The following GAB2 variants were observed in gnomAD, a reference collection of about 807,000 sequenced individuals.
GAB2 encodes the protein GRB2 associated binding protein 2.
GAB2 carries 26 observed loss-of-function variants against 65.5 expected under a neutral mutation model. The observed-to-expected ratio is 0.40, with a 90% confidence interval of 0.29 to 0.55. The LOEUF is 0.55. GAB2 is among the 20% of genes least tolerant of loss of function. GAB2 has a pLI of 0.53. For missense variants in GAB2, 884 were observed against 875.8 expected (o/e 1.01, Z -0.12); for synonymous variants, 321 against 329.6 (o/e 0.97, Z 0.28).
Position 78,417,630 on chromosome 11 carries a change from C to T in GAB2, c.75+16G>A. On this transcript the variant is annotated intron_variant, in intron 1 of 9. Coordinates refer to ENST00000361507, the MANE Select transcript of GAB2 (RefSeq NM_080491.3). ...GCGCCCCCCGCCCGCCCCTGGGCGG[C>T]CGCGCCCGCACTCACATAGCGCCTC... 1 of 1,327,200 alleles carries T rather than the reference C, an allele frequency of 7.5e-7. No homozygotes were observed. The highest frequency in any genetic ancestry group is 1.6e-5 in the African/African-American group (1 of 64,502). 82.2% of individuals were successfully genotyped at this position (1,327,200 alleles called of 1,614,324 possible).
intron 1 of GAB2, among the ~76,000 whole-genome samples, chr11:78,390,553 C>T (rs137855623): frequency 1.8e-4 from 27 of 152,312 alleles, no homozygotes; most frequent in Middle Eastern, 3.4e-3. Context: ...GGTGCCATTG[C>T]ACTCCAGCAT....
chr11:78,413,014 G>C (rs1857148685), intron 1 of GAB2, among the ~76,000 whole-genome samples: 1 of 152,208 alleles, frequency 6.6e-6, no homozygotes, highest in Non-Finnish European at 1.5e-5. Flanking sequence ...TGATGCCCAA[G>C]TTTCTCATCT....
chr11:78,414,500 T>A (rs925547418), intron 1 of GAB2, among the ~76,000 whole-genome samples: 4 of 152,154 alleles, frequency 2.6e-5, no homozygotes, highest in African/African-American at 9.7e-5. Flanking sequence ...GTAGGTCATA[T>A]TAATAAAATG....
At chr11:78,382,577 T>C (rs1213400161) in intron 1 of GAB2, among the ~76,000 whole-genome samples, 1 of 152,006 alleles carries the variant, frequency 6.6e-6, no homozygotes, top group African/African-American at 2.4e-5. Context: ...TAATAGACCC[T>C]CCAAGAACAG....
rs186845691 is a variant in GAB2, at chr11:78,262,783, T to C, written c.377-12383A>G. Among the ~76,000 whole-genome samples, 3 of 152,326 alleles carry C rather than the reference T, an allele frequency of 2.0e-5. No homozygotes were observed. In the East Asian group the frequency reaches 5.8e-4, roughly 29 times the overall value. ...AACACCACTGGGAAGGCCAAAATAC[T>C]ATCTGTACTGAGTGGGCCTGCATAC... On this transcript the variant is annotated intron_variant, in intron 2 of 9. Transcript: ENST00000361507.
At chr11:78,318,142 C>T (rs185467467) in intron 1 of GAB2, 2 of 151,654 alleles carry the variant, frequency 1.3e-5, no homozygotes, top group African/African-American at 4.8e-5. Context: ...TGATTACCTA[C>T]CAGGGAAAAT....
At chr11:78,227,316 G>A (rs1459106463) in intron 3 of GAB2, among the ~76,000 whole-genome samples, 3 of 152,170 alleles carry the variant, frequency 2.0e-5, no homozygotes, top group Non-Finnish European at 2.9e-5. Flanking sequence ...CAGATGGATT[G>A]CCTATTTGTT....
At position 78,220,370 on chromosome 11, in the gene GAB2, A is replaced by G; in HGVS notation, c.1836T>C (p.Val612=). Residue 612 remains valine (V), a synonymous_variant, in exon 9 of 10, where the codon GTT becomes GTC. Coordinates refer to ENST00000361507, the MANE Select transcript of GAB2 (RefSeq NM_080491.3). The stretch of plus-strand genomic sequence containing the variant: ...GCTGGAAGTCCAGGGCCAGATAATC[A>G]ACGCTGCCGGTGCTCTTCTTAGGGG... The part of the protein sequence containing the change: ...SPAPKKSTGS[V]DYLALDFQPS... 1 of 1,613,122 alleles carries G rather than the reference A, an allele frequency of 6.2e-7. No individual in the cohort carries two copies. The highest frequency in any genetic ancestry group is 1.3e-5 in the African/African-American group (1 of 75,002).
intron 1 of GAB2, among the ~76,000 whole-genome samples, chr11:78,316,188 T>C (rs1027737305): frequency 1.3e-5 from 2 of 152,098 alleles, no homozygotes; most frequent in African/African-American, 4.8e-5. Context: ...GCACTGTTGT[T>C]TTCCCTGGTT....
At chr11:78,372,646 TG>T (rs1011497087) in intron 1 of GAB2, among the ~76,000 whole-genome samples, 118 of 152,294 alleles carry the variant, frequency 7.7e-4, no homozygotes, top group African/African-American at 2.5e-3. Context: ...GCAATCTAAG[TG>T]GCTGTCCTGG....
At chr11:78,259,205 G>A (rs949218362) in intron 2 of GAB2, among the ~76,000 whole-genome samples, 1 of 152,146 alleles carries the variant, frequency 6.6e-6, no homozygotes, top group Admixed American at 6.5e-5. Context: ...ACTGTCAAAT[G>A]CCAAAGAGAA....
At position 78,219,201 on chromosome 11, in the gene GAB2, G is replaced by C; in HGVS notation, c.*71C>G. The stretch of plus-strand genomic sequence containing the variant: ...GAGGTGGATGGGAGGAAGAACGGGA[G>C]AGGGGAGAGGGGAGATGGGAAGGGC... On this transcript the variant is annotated 3_prime_UTR_variant, in exon 10 of 10. Coordinates refer to ENST00000361507, the MANE Select transcript of GAB2 (RefSeq NM_080491.3). 1 of 1,406,580 alleles carries C rather than the reference G, an allele frequency of 7.1e-7. No homozygotes were observed. Among genetic ancestry groups the C allele is most frequent in the Non-Finnish European group, 9.9e-7 (1 of 1,008,418 alleles). The allele number at this position is 1,406,580 out of a possible 1,614,324, so 87.1% of individuals were successfully genotyped here.
rs1565175150 is a variant in GAB2 at position 78,367,832 on chromosome 11, T to C, written c.75+49814A>G. 2.0e-5 allele frequency among the ~76,000 whole-genome samples: 3 copies of C among 148,182 alleles called. No individual in the cohort carries two copies. In the South Asian group the frequency reaches 6.5e-4, roughly 32 times the overall value. On this transcript the variant is annotated intron_variant, in intron 1 of 9. Coordinates refer to ENST00000361507, the MANE Select transcript of GAB2 (RefSeq NM_080491.3). The stretch of plus-strand genomic sequence containing the variant: ...TTAATTTTCTTTTTCTTTTTTTTTT[T>C]TTTTTTTTTTGAGACGGAGTCTTGC...
At chr11:78,413,542 G>T (rs1857155823) in intron 1 of GAB2, among the ~76,000 whole-genome samples, 1 of 152,106 alleles carries the variant, frequency 6.6e-6, no homozygotes, top group Non-Finnish European at 1.5e-5. Context: ...AATAGCTTTG[G>T]TGAATAACAA....
At chr11:78,313,382 T>C (rs1367720522) in intron 1 of GAB2, among the ~76,000 whole-genome samples, 4 of 152,334 alleles carry the variant, frequency 2.6e-5, no homozygotes, top group Admixed American at 2.0e-4. Flanking sequence ...CAGGGTTCAA[T>C]GAATGGTTCC....
chr11:78,329,100 T>A (rs1565161787), intron 1 of GAB2, among the ~76,000 whole-genome samples: 2 of 152,298 alleles, frequency 1.3e-5, no homozygotes, highest in East Asian at 3.9e-4. Flanking sequence ...ACAGCAAGCA[T>A]AGTAAAATAT....
In GAB2 at chr11:78,291,555, CTTTTTCTTTTTT is replaced by C. The variant is rs1473810040; in HGVS notation, c.76-10666_76-10655del. Among the ~76,000 whole-genome samples the C allele has an allele frequency of 3.2e-3, 177 of 55,030 alleles. 5 individuals carry two copies. The highest frequency in any genetic ancestry group is 7.3e-3 in the African/African-American group (114 of 15,646). 36.1% of individuals were successfully genotyped at this position (55,030 alleles called of 152,430 possible). On this transcript the variant is annotated intron_variant, in intron 1 of 9. Coordinates refer to ENST00000361507, the MANE Select transcript of GAB2 (RefSeq NM_080491.3). Reference sequence around the variant, plus strand: ...CCTATCTTGAGAGACTTACTTTTTTCTTTTTCTTTTTTTTTTTTTTTTTTTTTTTTTTTTGCG... The same window carrying C: ...CCTATCTTGAGAGACTTACTTTTTTCTTTTTTTTTTTTTTTTTTTTTTGCG...
intron 1 of GAB2, among the ~76,000 whole-genome samples, chr11:78,338,737 T>G (rs1256648788): frequency 6.6e-6 from 1 of 152,210 alleles, no homozygotes; most frequent in Non-Finnish European, 1.5e-5. Context: ...TGTTCTGGTT[T>G]GAAGGACCAG....
chr11:78,280,999 G>T, intron 1 of GAB2, 98 bp from the exon 2 acceptor site: 1 of 984,160 alleles, frequency 1.0e-6, no homozygotes, highest in Non-Finnish European at 1.5e-6. Context: ...TGTTGCCCAG[G>T]CTGGAGTGCA....
Sources: gnomAD v4.1 joint callset for allele counts (sites outside exome capture counted in the v4.1 genomes callset) on GRCh38, gnomAD v4.1.1 for gene constraint, MANE v1.5 for transcripts, NCBI Gene and HGNC (gene_info 2026-07-23, HGNC 2026-07-21) for gene names.